S100Z: variants seen among roughly 807,000 people sequenced by gnomAD.
The protein encoded by S100Z is S100 calcium binding protein Z.
A neutral mutation model predicts 8.5 loss-of-function variants in S100Z; 11 were observed. The observed-to-expected ratio is 1.30, with a 90% CI of 0.82 to 2.15. The LOEUF is 2.15. Among genes scored for constraint, S100Z ranks in the 30% most tolerant of loss-of-function variants. The probability of loss-of-function intolerance (pLI) is 0.00; values close to 1 mark genes in which losing one functional copy is unlikely to be tolerated. For missense variants in S100Z, 126 were observed against 117.9 expected (o/e 1.07, Z -0.32); for synonymous variants, 34 against 43.8 (o/e 0.78, Z 0.89).
At chr5:76,943,211 A>T in the S100Z span, among the ~76,000 whole-genome samples, 1 of 152,068 alleles carries the variant, frequency 6.6e-6, no homozygotes, top group Non-Finnish European at 1.5e-5. Flanking sequence ...ATGATCAAAC[A>T]TTTGAGGACC....
chr5:76,890,860 CTTTTA>C (rs1445109773), intron 4 of S100Z, among the ~76,000 whole-genome samples: 1 of 152,060 alleles, frequency 6.6e-6, no homozygotes, highest in East Asian at 1.9e-4. Context: ...TCAGTTTCTT[CTTTTA>C]TTTATTTACT....
chr5:76,946,242 C>G, the S100Z span, among the ~76,000 whole-genome samples: 63 of 152,308 alleles, frequency 4.1e-4, no homozygotes, highest in African/African-American at 1.5e-3. Context: ...AAAGCCTTCT[C>G]GCCAAATCAC....
At position 76,875,518 on chromosome 5, in the gene S100Z, A is replaced by G; in HGVS notation, c.141+18A>G. The G allele has an allele frequency of 6.3e-7, 1 of 1,595,768 alleles. No individual in the cohort carries two copies. Among genetic ancestry groups the G allele is most frequent in the Non-Finnish European group, 8.5e-7 (1 of 1,172,476 alleles). ...TCCTCTCGGTGAGTCAGGCCTTTGT[A>G]AATGCTGTATTCATTTGAGGGTAGA... is the stretch of plus-strand genomic sequence containing the variant. On this transcript the variant is annotated intron_variant, in intron 3 of 4. Transcript: ENST00000317593.
the S100Z span, chr5:76,952,695 C>A: frequency 5.8e-6 from 1 of 171,516 alleles, no homozygotes; most frequent in Non-Finnish European, 1.3e-5. Flanking sequence ...GTATTTTATG[C>A]GTGTATGTAA....
At chr5:76,891,082 G>T (rs550512526) in intron 4 of S100Z, among the ~76,000 whole-genome samples, 2 of 152,072 alleles carry the variant, frequency 1.3e-5, no homozygotes, top group Non-Finnish European at 2.9e-5. Context: ...GGCTAGTCTT[G>T]AACTCCTGAC....
intron 4 of S100Z, among the ~76,000 whole-genome samples, chr5:76,912,979 A>C (rs1302708556): frequency 1.3e-5 from 2 of 152,230 alleles, no homozygotes; most frequent in Non-Finnish European, 2.9e-5. Flanking sequence ...AAAGGGAGTC[A>C]GAAGGAGACA....
intron 2 of S100Z, among the ~76,000 whole-genome samples, chr5:76,873,202 AAGGGTAATTACT>A (rs537966547): frequency 8.7e-4 from 132 of 152,132 alleles, no homozygotes; most frequent in Non-Finnish European, 1.7e-3. Context: ...AAAATTTACA[AAGGGTAATTACT>A]AGGGTAGGGA....
intron 4 of S100Z, 89 bp downstream of exon 4, chr5:76,877,923 AAT>A (rs1207834037): frequency 1.0e-5 from 8 of 771,000 alleles, no homozygotes; most frequent in Non-Finnish European, 1.5e-5. Context: ...TAGACCCAGT[AAT>A]GTCATTTATA....
At chr5:76,895,765 C>CT (rs57723242) in intron 4 of S100Z, among the ~76,000 whole-genome samples, 2,268 of 88,334 alleles carry the variant, frequency 0.026, 101 homozygotes, top group African/African-American at 0.064. Context: ...TCTTTTCTTC[C>CT]TTTTTTTTTT....
At chr5:76,861,120 C>T (rs551811914) in intron 1 of S100Z, among the ~76,000 whole-genome samples, 20 of 152,300 alleles carry the variant, frequency 1.3e-4, no homozygotes, top group Admixed American at 3.9e-4. Context: ...GCTTTTGATT[C>T]TCACAAGGTT....
At chr5:76,915,237 G>A (rs907960644) in intron 4 of S100Z, among the ~76,000 whole-genome samples, 10 of 151,418 alleles carry the variant, frequency 6.6e-5, no homozygotes, top group East Asian at 2.0e-4. Context: ...CCTGGGAGGC[G>A]GAGCTTGCAG....
chr5:76,873,337 T>A (rs1052806783), intron 2 of S100Z, among the ~76,000 whole-genome samples: 1 of 74,438 alleles, frequency 1.3e-5, no homozygotes, highest in Admixed American at 1.2e-4. Flanking sequence ...TGAGACGGAG[T>A]CTCACTGTCA....
intron 4 of S100Z, among the ~76,000 whole-genome samples, chr5:76,888,495 C>G (rs1374441738): frequency 6.7e-6 from 1 of 148,592 alleles, no homozygotes; most frequent in African/African-American, 2.5e-5. Context: ...CCTGTCTCAG[C>G]CTCCCAAGTA....
intron 1 of S100Z, among the ~76,000 whole-genome samples, chr5:76,865,735 G>A (rs186232484): frequency 6.6e-6 from 1 of 151,948 alleles, no homozygotes; most frequent in African/African-American, 2.4e-5. Context: ...AATGTTGGCT[G>A]GGCGCAGTGG....
chr5:76,939,946 T>G, the S100Z span, among the ~76,000 whole-genome samples: 1 of 151,346 alleles, frequency 6.6e-6, no homozygotes, highest in Non-Finnish European at 1.5e-5. Flanking sequence ...GATCACGAGG[T>G]CAAGAGATCG....
chr5:76,898,578 T>C (rs749723832), intron 4 of S100Z, among the ~76,000 whole-genome samples: 1 of 152,198 alleles, frequency 6.6e-6, no homozygotes, highest in Non-Finnish European at 1.5e-5. Flanking sequence ...TTTTTATCCT[T>C]CATTTTGTTG....
At chr5:76,863,759 C>T (rs1032216409) in intron 1 of S100Z, among the ~76,000 whole-genome samples, 9 of 152,130 alleles carry the variant, frequency 5.9e-5, no homozygotes, top group South Asian at 2.1e-4. Flanking sequence ...AGGATGGTCT[C>T]GATCTCCTGA....
At chr5:76,937,412 A>G in the S100Z span, among the ~76,000 whole-genome samples, 1 of 151,950 alleles carries the variant, frequency 6.6e-6, no homozygotes, top group Non-Finnish European at 1.5e-5. Context: ...TAAATTTTAG[A>G]TGTGCATTTT....
intron 1 of S100Z, among the ~76,000 whole-genome samples, chr5:76,853,539 T>C (rs1437514003): frequency 6.6e-6 from 1 of 152,110 alleles, no homozygotes; most frequent in Non-Finnish European, 1.5e-5. Flanking sequence ...CTCCCATCTG[T>C]AATCCCAGCA....
Sources: gnomAD v4.1 joint callset for allele counts (sites outside exome capture counted in the v4.1 genomes callset) on GRCh38, gnomAD v4.1.1 for gene constraint, MANE v1.5 for transcripts, NCBI Gene and HGNC (gene_info 2026-07-23, HGNC 2026-07-21) for gene names.